Variants in MACROD2 observed in about 807,000 individuals in gnomAD.
The protein encoded by MACROD2 is mono-ADP ribosylhydrolase 2, also known as ADP-ribose glycohydrolase MACROD2.
MACROD2 carries 36 observed loss-of-function variants against 70.4 expected under a neutral mutation model. That is an observed-to-expected ratio of 0.51 (90% confidence interval 0.39 to 0.68). The LOEUF (loss-of-function observed/expected upper bound fraction) is 0.68. Ranked by LOEUF, MACROD2 falls within the 30% of genes least tolerant of loss-of-function variation. MACROD2 has a pLI of 0.00. For synonymous variants in MACROD2, 172 were observed against 178.8 expected, an observed-to-expected ratio of 0.96 and a Z score of 0.30; for missense variants, 496 against 538.4, an observed-to-expected ratio of 0.92 and a Z score of 0.78.
chr20:14,494,656 A>T (rs1421583444), intron 4 of MACROD2, among the ~76,000 whole-genome samples: 9 of 152,288 alleles, frequency 5.9e-5, no homozygotes, highest in Non-Finnish European at 1.5e-5. Context: ...TAAAGTGTTT[A>T]TTGGGAGAAT....
chr20:15,432,193 G>T (rs1363647178), intron 7 of MACROD2, among the ~76,000 whole-genome samples: 2 of 151,960 alleles, frequency 1.3e-5, no homozygotes, highest in African/African-American at 2.4e-5. Flanking sequence ...CACAAAATAT[G>T]TAAAAATCTA....
At chr20:15,014,555 C>T (rs190283548) in intron 5 of MACROD2, among the ~76,000 whole-genome samples, 8 of 152,216 alleles carry the variant, frequency 5.3e-5, no homozygotes, top group Admixed American at 2.0e-4. Context: ...AGAGTTAATA[C>T]GGGTTGAAAG....
chr20:14,502,724 A>G (rs1460710357), intron 4 of MACROD2, among the ~76,000 whole-genome samples: 1 of 152,174 alleles, frequency 6.6e-6, no homozygotes, highest in Non-Finnish European at 1.5e-5. Context: ...AAGGGGAATA[A>G]CCTGAATTGT....
chr20:14,958,709 A>C (rs2074558486), intron 5 of MACROD2, among the ~76,000 whole-genome samples: 1 of 152,278 alleles, frequency 6.6e-6, no homozygotes, highest in South Asian at 2.1e-4. Flanking sequence ...TTTGCCCTGT[A>C]GGCCATTTCT....
intron 3 of MACROD2, chr20:14,325,242 T>A (rs1004843677): frequency 2.1e-5 from 4 of 193,924 alleles, no homozygotes; most frequent in Non-Finnish European, 4.2e-5. Flanking sequence ...AGTCAACAAG[T>A]CATCTTACTC....
intron 16 of MACROD2, among the ~76,000 whole-genome samples, chr20:16,042,225 GC>G (rs1229189117): frequency 1.3e-5 from 2 of 151,902 alleles, no homozygotes; most frequent in Non-Finnish European, 2.9e-5. Flanking sequence ...GCCCAAATTG[GC>G]TTTTTACTCA....
intron 8 of MACROD2, among the ~76,000 whole-genome samples, chr20:15,678,798 GA>G (rs767747014): frequency 3.8e-4 from 56 of 146,658 alleles, no homozygotes; most frequent in East Asian, 6.1e-4. Context: ...GGTGTGTTGG[GA>G]AACTGATAAT....
chr20:15,657,859 G>T (rs1276883908), intron 8 of MACROD2, among the ~76,000 whole-genome samples: 3 of 152,164 alleles, frequency 2.0e-5, no homozygotes, highest in African/African-American at 7.2e-5. Context: ...GTGCGTGGTG[G>T]CACATGCCTG....
chr20:14,052,358 C>T (rs1435291705), intron 2 of MACROD2, among the ~76,000 whole-genome samples: 2 of 152,016 alleles, frequency 1.3e-5, no homozygotes, highest in Non-Finnish European at 2.9e-5. Context: ...CTATCAATAA[C>T]TCTTAGAAAC....
intron 8 of MACROD2, among the ~76,000 whole-genome samples, chr20:15,860,500 A>G (rs987115253): frequency 2.0e-5 from 3 of 152,170 alleles, no homozygotes; most frequent in Non-Finnish European, 4.4e-5. Flanking sequence ...CAAGTAGTTC[A>G]ATGTGGCTTG....
chr20:15,004,474 C>T (rs1412309246), intron 5 of MACROD2, among the ~76,000 whole-genome samples: 1 of 152,180 alleles, frequency 6.6e-6, no homozygotes, highest in African/African-American at 2.4e-5. Context: ...ATACTAAGTA[C>T]ACAGGGCTAT....
intron 8 of MACROD2, among the ~76,000 whole-genome samples, chr20:15,577,322 C>G (rs75822195): frequency 0.016 from 2,411 of 152,092 alleles, 26 homozygotes; most frequent in East Asian, 0.042. Flanking sequence ...TCATATCTAC[C>G]CCAACCCCAC....
intron 6 of MACROD2, among the ~76,000 whole-genome samples, chr20:15,327,959 A>T (rs1030489941): frequency 6.6e-6 from 1 of 152,132 alleles, no homozygotes; most frequent in African/African-American, 2.4e-5. Context: ...TGTGGAGTTT[A>T]CAGAAAATAA....
intron 3 of MACROD2, among the ~76,000 whole-genome samples, chr20:14,346,864 G>C (rs1201178587): frequency 2.0e-5 from 3 of 152,190 alleles, no homozygotes; most frequent in Non-Finnish European, 4.4e-5. Flanking sequence ...TGCCTCATAA[G>C]TCTGATCTCT....
At chr20:14,022,675 A>G (rs373708729) in intron 2 of MACROD2, among the ~76,000 whole-genome samples, 29 of 151,850 alleles carry the variant, frequency 1.9e-4, no homozygotes, top group African/African-American at 6.3e-4. Context: ...ACTTCCACTT[A>G]TGAGTGAGAA....
chr20:15,862,689 G>A, intron 8 of MACROD2, 56 bp from the exon 9 acceptor site: 3 of 1,412,702 alleles, frequency 2.1e-6, no homozygotes. Context: ...GCTATGTCCT[G>A]GCAGGGCAAT....
intron 4 of MACROD2, among the ~76,000 whole-genome samples, chr20:14,622,249 G>T (rs1290287725): frequency 6.6e-6 from 1 of 151,992 alleles, no homozygotes; most frequent in African/African-American, 2.4e-5. Context: ...GACATGAAGA[G>T]AAAGAAGTCC....
At chr20:15,505,156 C>T (rs2047409972) in intron 8 of MACROD2, among the ~76,000 whole-genome samples, 1 of 152,082 alleles carries the variant, frequency 6.6e-6, no homozygotes, top group South Asian at 2.1e-4. Flanking sequence ...CCCTTCAGAG[C>T]CACAAATGTC....
chr20:15,974,958 T>C (rs2066283950), intron 13 of MACROD2, among the ~76,000 whole-genome samples: 1 of 151,654 alleles, frequency 6.6e-6, no homozygotes, highest in Non-Finnish European at 1.5e-5. Context: ...AAGGTTATAG[T>C]GAAATTAAAA....
Sources: allele counts gnomAD v4.1 joint callset (sites outside exome capture counted in the v4.1 genomes callset), GRCh38; gene constraint gnomAD v4.1.1; transcripts MANE v1.5; gene names NCBI Gene and HGNC (gene_info 2026-07-23, HGNC 2026-07-21).